Variants in CILP2 observed in about 807,000 individuals in gnomAD.
CILP2 encodes the protein CILP-2.
Under a neutral mutation model 45.6 loss-of-function variants are expected in CILP2, and 38 were observed. That is an observed-to-expected ratio of 0.83 (90% CI 0.64 to 1.09). The LOEUF (loss-of-function observed/expected upper bound fraction) is 1.09. Among genes scored for constraint, CILP2 ranks in the 50% least tolerant of loss-of-function variants. The pLI is 0.00. For missense variants in CILP2, 1,735 were observed against 1,662.2 expected (o/e 1.04, Z -0.76); for synonymous variants, 780 against 723.5 (o/e 1.08, Z -1.25).
In CILP2 at chr19:19,542,552, C is replaced by T; in HGVS notation, c.770C>T (p.Ala257Val). 6.2e-7 allele frequency: 1 copy of T among 1,614,056 alleles called. No homozygotes were observed. Among genetic ancestry groups the T allele is most frequent in the Non-Finnish European group, 8.5e-7 (1 of 1,180,034 alleles). Reference protein sequence around the residue: ...RVPGVCADSRANIRAQMDGFS... With the variant: ...RVPGVCADSRVNIRAQMDGFS... ...CCTGGTGTCTGTGCTGACAGCCGCG[C>T]CAACATCAGGGCCCAGATGGATGGC... is the stretch of plus-strand genomic sequence containing the variant. The change falls in exon 5 of 8, where the codon GCC becomes GTC. Residue 257 changes from alanine (A) to valine (V), a missense_variant. Physicochemically the swap from Ala to Val is moderately conservative, Grantham distance 64. Transcript: ENST00000291495.
At chr19:19,543,131 T>C in intron 6 of CILP2, 117 bp from the exon 7 acceptor site, 1 of 1,181,122 alleles carries the variant, frequency 8.5e-7, no homozygotes, top group Non-Finnish European at 1.2e-6. Flanking sequence ...ATGGGGCCAG[T>C]CTTGCTGGGG....
intron 1 of CILP2, 26 bp from the exon 2 acceptor site, chr19:19,539,653 T>C (rs780254643): frequency 6.6e-6 from 10 of 1,521,434 alleles, no homozygotes; most frequent in Middle Eastern, 1.8e-4. Flanking sequence ...GCAGCGTGCT[T>C]CCTTCTCCCC....
intron 1 of CILP2, among the ~76,000 whole-genome samples, chr19:19,538,624 T>G (rs1333905152): frequency 6.6e-6 from 1 of 152,176 alleles, no homozygotes; most frequent in Admixed American, 6.5e-5. Flanking sequence ...GGAGTGTGGA[T>G]AAGAACCTAG....
At chr19:19,539,609 C>A in intron 1 of CILP2, 70 bp from the exon 2 acceptor site, 1 of 1,135,130 alleles carries the variant, frequency 8.8e-7, no homozygotes, top group Non-Finnish European at 1.2e-6. Context: ...CTGCACCTTG[C>A]CTAAAAGGAG....
rs183579609 is a variant in CILP2 at position 19,544,848 on chromosome 19, C to G, written c.2303C>G (p.Ala768Gly). The change falls in exon 8 of 8, where the codon GCC (alanine) becomes GGC (glycine). Residue 768 changes from alanine to glycine, a missense_variant. Transcript: ENST00000291495. ...GTCACGCTGGTCAATCTGGAGCCCG[C>G]CCCCGGCTTCTCCGCCAACCCCCGT... ...VVVTLVNLEPAPGFSANPRAW... is the reference protein window; with the variant it reads ...VVVTLVNLEPGPGFSANPRAW... 2.5e-3 allele frequency: 3,980 copies of G among 1,598,048 alleles called. 28 individuals carry two copies. The highest frequency in any genetic ancestry group is 0.022 in the Middle Eastern group (136 of 6,050).
In CILP2 at chr19:19,545,761, C is replaced by T. The variant is rs780034711; in HGVS notation, c.3216C>T (p.Ala1072=). 40 of 1,610,432 alleles carry T rather than the reference C, an allele frequency of 2.5e-5. No individual in the cohort carries two copies. Among genetic ancestry groups the T allele is most frequent in the Non-Finnish European group, 3.1e-5 (37 of 1,178,006 alleles). ...YTVTDQSPRL[A]KEIAIGRCFD... ...TCACTGACCAGAGCCCACGCTTGGC[C>T]AAGGAGATCGCCATTGGCCGCTGCT... Residue 1072 remains alanine, a synonymous_variant, in exon 8 of 8, where the codon GCC becomes GCT. Coordinates refer to ENST00000291495, the MANE Select transcript of CILP2 (RefSeq NM_153221.2).
chr19:19,545,084 A>T lies in CILP2; in HGVS notation c.2539A>T (p.Thr847Ser). Residue 847 changes from threonine (T) to serine (S), a missense_variant, in exon 8 of 8, where the codon ACG becomes TCG. By Grantham distance (58) the Thr-to-Ser change is moderately conservative. Coordinates refer to ENST00000291495, the MANE Select transcript of CILP2 (RefSeq NM_153221.2). ...PYLDRLGYRRTDHDDPAFKRN... is the reference protein window; with the variant it reads ...PYLDRLGYRRSDHDDPAFKRN... ...CCTGGACAGGCTGGGGTACCGTCGG[A>T]CGGACCACGACGATCCCGCCTTCAA... 6.2e-7 allele frequency: 1 copy of T among 1,610,024 alleles called. No individual in the cohort carries two copies. Among genetic ancestry groups the T allele is most frequent in the South Asian group, 1.1e-5 (1 of 90,884 alleles).
At position 19,542,944 on chromosome 19, in the gene CILP2, G is replaced by A. The variant is rs146789008; in HGVS notation, c.949G>A (p.Gly317Arg). The A allele has an allele frequency of 1.6e-4, 253 of 1,613,588 alleles. No individual in the cohort carries two copies. Among genetic ancestry groups the A allele is most frequent in the Non-Finnish European group, 2.0e-4 (231 of 1,179,624 alleles). The part of the protein sequence containing the change: ...QNVTFCCKAS[G>R]TPMPKKYSWF... The stretch of plus-strand genomic sequence containing the variant: ...TGTGACTTTCTGCTGCAAAGCCTCC[G>A]GGACCCCCATGCCCAAGAAATACTC... The change falls in exon 6 of 8, where the codon GGG (glycine) becomes AGG (arginine). Residue 317 changes from glycine to arginine, a missense_variant. Gly to Arg is a moderately radical substitution (Grantham distance 125, BLOSUM62 -2). Coordinates refer to ENST00000291495, the MANE Select transcript of CILP2 (RefSeq NM_153221.2).
In CILP2 at chr19:19,545,200, G is replaced by C. The variant is rs1218715144; in HGVS notation, c.2655G>C (p.Arg885=). The change falls in exon 8 of 8, where the codon CGG becomes CGC. Residue 885 remains arginine, a synonymous_variant. Coordinates refer to ENST00000291495, the MANE Select transcript of CILP2 (RefSeq NM_153221.2). ...NGPVYPWRSL[R]ECQGAPVTAS... ...CTGTGTACCCGTGGCGCAGCCTGCG[G>C]GAATGCCAGGGGGCCCCGGTGACTG... 6.2e-7 allele frequency: 1 copy of C among 1,612,416 alleles called. No individual in the cohort carries two copies. Among genetic ancestry groups the C allele is most frequent in the South Asian group, 1.1e-5 (1 of 91,042 alleles).
In CILP2 at chr19:19,543,248, G is replaced by C; in HGVS notation, c.978G>C (p.Trp326Cys). ...ATGGTGTCGCTCACCTGCCATCCAG[G>C]TTCCACAATGGGACCCTGCTGGACA... ...SGTPMPKKYSWFHNGTLLDRR... is the reference protein window; with the variant it reads ...SGTPMPKKYSCFHNGTLLDRR... Residue 326 changes from tryptophan to cysteine, a missense_variant and splice_region_variant, in exon 7 of 8, where the codon TGG becomes TGC. Coordinates refer to ENST00000291495, the MANE Select transcript of CILP2 (RefSeq NM_153221.2). The C allele has an allele frequency of 6.2e-7, 1 of 1,612,498 alleles. No individual in the cohort carries two copies. Among genetic ancestry groups the C allele is most frequent in the Non-Finnish European group, 8.5e-7 (1 of 1,179,630 alleles).
chr19:19,539,788 C>T lies in CILP2; in HGVS notation c.163+11C>T. The stretch of plus-strand genomic sequence containing the variant: ...TGGAGGACTGGGAAGGTGAGTTAGC[C>T]TGCCTCGGAGTCCCGTCTCTGCTGC... On this transcript the variant is annotated intron_variant, in intron 2 of 7. Coordinates refer to ENST00000291495, the MANE Select transcript of CILP2 (RefSeq NM_153221.2). The T allele has an allele frequency of 1.3e-6, 2 of 1,566,404 alleles. No homozygotes were observed. The highest frequency in any genetic ancestry group is 1.8e-4 in the Middle Eastern group (1 of 5,640).
chr19:19,542,154 C>T (rs1458872072), intron 4 of CILP2, among the ~76,000 whole-genome samples: 1 of 152,190 alleles, frequency 6.6e-6, no homozygotes, highest in Admixed American at 6.5e-5. Flanking sequence ...TTCCCTACGT[C>T]TCTGGATCCC....
rs763500923 is a variant in CILP2, at chr19:19,544,413, G to A, written c.1868G>A (p.Ser623Asn). The A allele has an allele frequency of 1.2e-6, 2 of 1,610,518 alleles. No individual in the cohort carries two copies. The highest frequency in any genetic ancestry group is 2.2e-5 in the East Asian group (1 of 44,852). ...CTCACCTCGGCGGCGTCTGCCCCCA[G>A]TGACCTGCGCTTCGTGGACAGCGAC... ...RDLTSAASAP[S>N]DLRFVDSDGE... The change falls in exon 8 of 8, where the codon AGT (serine) becomes AAT (asparagine). Residue 623 changes from serine to asparagine, a missense_variant. Coordinates refer to ENST00000291495, the MANE Select transcript of CILP2 (RefSeq NM_153221.2).
In CILP2 at chr19:19,544,040, C is replaced by T; in HGVS notation, c.1495C>T (p.Pro499Ser). 6.2e-7 allele frequency: 1 copy of T among 1,613,890 alleles called. No homozygotes were observed. Among genetic ancestry groups the T allele is most frequent in the Non-Finnish European group, 8.5e-7 (1 of 1,179,962 alleles). ...CGCCAGGATTCTGCTGGGCCAGGAGCCCATCGGCTTCACCGCCTACCAGGG... is the reference window on the plus strand; with the variant it reads ...CGCCAGGATTCTGCTGGGCCAGGAGTCCATCGGCTTCACCGCCTACCAGGG... ...RFARILLGQE[P>S]IGFTAYQGDF... Residue 499 changes from proline (P) to serine (S), a missense_variant, in exon 8 of 8, where the codon CCC (proline) becomes TCC (serine). By Grantham distance (74) the Pro-to-Ser change is moderately conservative. Coordinates refer to ENST00000291495, the MANE Select transcript of CILP2 (RefSeq NM_153221.2).
chr19:19,543,294 G>GCC lies in CILP2; in HGVS notation c.1026_1027dup (p.His343ProfsTer52). 6.2e-7 allele frequency: 1 copy of GCC among 1,613,748 alleles called. No individual in the cohort carries two copies. Among genetic ancestry groups the GCC allele is most frequent in the Non-Finnish European group, 8.5e-7 (1 of 1,179,996 alleles). ...GGACAGGCGAGCTCATGGGTACGGG[G>GCC]CCCACCTGGAGCTGCGGGGACTGCG... On this transcript the variant is annotated frameshift_variant, in exon 7 of 8. Coordinates refer to ENST00000291495, the MANE Select transcript of CILP2 (RefSeq NM_153221.2). LOFTEE classifies it high-confidence loss of function.
At position 19,539,730 on chromosome 19, in the gene CILP2, G is replaced by C. The variant is rs774966314; in HGVS notation, c.116G>C (p.Arg39Pro). Residue 39 changes from arginine to proline, a missense_variant, in exon 2 of 8, where the codon CGG (arginine) becomes CCG (proline). Transcript: ENST00000291495. ...GCGACTGCACTGGGCCTGGAAAGAC[G>C]GTCCGTGTACACCGGCCAGCCCTCA... ...PMATALGLER[R>P]SVYTGQPSPA... 3.7e-6 allele frequency: 6 copies of C among 1,607,270 alleles called. No individual in the cohort carries two copies. In the South Asian group the frequency reaches 5.5e-5, roughly 15 times the overall value.
At position 19,545,398 on chromosome 19, in the gene CILP2, T is replaced by C. The variant is rs750335043; in HGVS notation, c.2853T>C (p.Tyr951=). The change falls in exon 8 of 8, where the codon TAT becomes TAC. Residue 951 remains tyrosine, a synonymous_variant. Transcript: ENST00000291495. ...LKVKIQGPQE[Y]MVRSHNAGGS... ...TGAAGATCCAGGGTCCCCAGGAGTA[T>C]ATGGTCCGCTCCCACAACGCAGGGG... The C allele has an allele frequency of 1.2e-6, 2 of 1,612,600 alleles. No homozygotes were observed. Among genetic ancestry groups the C allele is most frequent in the East Asian group, 2.2e-5 (1 of 44,878 alleles).
rs150832743 is a variant in CILP2 at position 19,543,045 on chromosome 19, G to T, written c.977+73G>T. 1.1e-5 allele frequency: 12 copies of T among 1,130,592 alleles called. No homozygotes were observed. In the African/African-American group the frequency reaches 1.5e-4, roughly 15 times the overall value. 70.0% of individuals were successfully genotyped at this position (1,130,592 alleles called of 1,614,324 possible). Reference sequence around the variant, plus strand: ...TAGATTCAATTTCATGTTGTTATGTGGTTTCCCATCTGGAGAGTGGGGAAA... The same window carrying T: ...TAGATTCAATTTCATGTTGTTATGTTGTTTCCCATCTGGAGAGTGGGGAAA... On this transcript the variant is annotated intron_variant, in intron 6 of 7. Coordinates refer to ENST00000291495, the MANE Select transcript of CILP2 (RefSeq NM_153221.2).
At position 19,545,223 on chromosome 19, in the gene CILP2, C is replaced by T. The variant is rs765353237; in HGVS notation, c.2678C>T (p.Thr893Ile). The T allele has an allele frequency of 6.2e-7, 1 of 1,612,432 alleles. No homozygotes were observed. Among genetic ancestry groups the T allele is most frequent in the Non-Finnish European group, 8.5e-7 (1 of 1,179,618 alleles). ...SLRECQGAPV[T>I]ASHFRFARVE... ...CGGGAATGCCAGGGGGCCCCGGTGA[C>T]TGCCAGCCACTTCCGCTTCGCCAGG... The change falls in exon 8 of 8, where the codon ACT (threonine) becomes ATT (isoleucine). Residue 893 changes from threonine (T) to isoleucine (I), a missense_variant. Thr to Ile is a moderately conservative substitution (Grantham distance 89). Transcript: ENST00000291495.
Sources: allele counts gnomAD v4.1 joint callset (sites outside exome capture counted in the v4.1 genomes callset), GRCh38; gene constraint gnomAD v4.1.1; transcripts MANE v1.5; gene names NCBI Gene and HGNC (gene_info 2026-07-23, HGNC 2026-07-21).